The following TYW1 variants were observed in gnomAD, a reference collection of about 807,000 sequenced individuals.
TYW1 encodes tRNA-yW synthesizing protein 1 homolog, also known as S-adenosyl-L-methionine-dependent tRNA 4-demethylwyosine synthase TYW1.
A neutral mutation model predicts 96.2 loss-of-function variants in TYW1; 46 were observed. The observed-to-expected ratio is 0.48, with a 90% CI of 0.38 to 0.61. The LOEUF (loss-of-function observed/expected upper bound fraction) is 0.61, where lower values mean the gene tolerates loss of function less well. TYW1 is among the 20% of genes least tolerant of loss of function. The pLI, the probability that TYW1 is intolerant of heterozygous loss-of-function variation, is 0.00. For missense variants in TYW1, 684 were observed against 909.6 expected (o/e 0.75, Z 3.19); for synonymous variants, 274 against 323.0 (o/e 0.85, Z 1.63).
At chr7:67,196,737 A>G (rs1253431771) in intron 15 of TYW1, among the ~76,000 whole-genome samples, 2 of 151,832 alleles carry the variant, frequency 1.3e-5, no homozygotes, top group East Asian at 3.8e-4. Context: ...TTAAAACAGG[A>G]CAATTTAATT....
intron 14 of TYW1, among the ~76,000 whole-genome samples, chr7:67,188,213 G>A (rs1220691115): frequency 2.0e-5 from 3 of 152,052 alleles, no homozygotes; most frequent in Non-Finnish European, 4.4e-5. Flanking sequence ...CCAGCTACTC[G>A]GGAGGCTGAG....
Position 67,072,963 on chromosome 7 carries a change from T to TTTTTTTTTTTTTTTTTG in TYW1, c.1274+5561_1274+5562insTTTTTTTTTTTTTTTGT, listed in dbSNP as rs1219374462. Among the ~76,000 whole-genome samples the TTTTTTTTTTTTTTTTTG allele has an allele frequency of 1.5e-4, 18 of 118,682 alleles. 2 individuals are homozygous for TTTTTTTTTTTTTTTTTG. Among genetic ancestry groups the TTTTTTTTTTTTTTTTTG allele is most frequent in the African/African-American group, 5.9e-4 (17 of 29,020 alleles). 77.9% of individuals were successfully genotyped at this position (118,682 alleles called of 152,430 possible). Reference sequence around the variant, plus strand: ...TTTTTTTTTTTTTTTTTTTTTTTTTTTATAGAGACAGGGTCTTGCTATGTT... The same window carrying TTTTTTTTTTTTTTTTTG: ...TTTTTTTTTTTTTTTTTTTTTTTTTTTTTTTTTTTTTTTTTTGTATAGAGACAGGGTCTTGCTATGTT... On this transcript the variant is annotated intron_variant, in intron 10 of 15. Coordinates refer to ENST00000359626, the MANE Select transcript of TYW1 (RefSeq NM_018264.4).
chr7:67,109,184 G>C (rs1431433572), intron 12 of TYW1, among the ~76,000 whole-genome samples: 1 of 145,272 alleles, frequency 6.9e-6, no homozygotes, highest in Non-Finnish European at 1.5e-5. Context: ...TGAGGCAGGA[G>C]AATGGTGTGA....
In TYW1 at chr7:67,143,423, C is replaced by G. The variant is rs375651082; in HGVS notation, c.1698+25805C>G. On this transcript the variant is annotated intron_variant, in intron 13 of 15. Transcript: ENST00000359626. The stretch of plus-strand genomic sequence containing the variant: ...GTTATTTAATGCATACTTTATTCAT[C>G]TGGCATAAACTTAAAATGTCACAGA... 7.0e-4 allele frequency among the ~76,000 whole-genome samples: 107 copies of G among 152,330 alleles called. 1 individual carries two copies. The highest frequency in any genetic ancestry group is 5.8e-3 in the South Asian group (28 of 4,824).
At chr7:67,032,058 CA>C (rs1392843800) in intron 7 of TYW1, among the ~76,000 whole-genome samples, 1 of 151,188 alleles carries the variant, frequency 6.6e-6, no homozygotes, top group African/African-American at 2.4e-5. Context: ...ACAATAACAA[CA>C]AAAAAACATG....
chr7:67,000,068 T>A (rs1465912526), intron 3 of TYW1, among the ~76,000 whole-genome samples: 5 of 152,050 alleles, frequency 3.3e-5, no homozygotes, highest in Non-Finnish European at 7.4e-5. Context: ...CCTGAGTATC[T>A]GGGACTATAG....
intron 10 of TYW1, among the ~76,000 whole-genome samples, chr7:67,072,971 A>G (rs1450880460): frequency 1.8e-5 from 2 of 112,736 alleles, no homozygotes; most frequent in Non-Finnish European, 1.7e-5. Flanking sequence ...TTTTATAGAG[A>G]CAGGGTCTTG....
chr7:67,110,822 TAGTG>T (rs1295847410), intron 12 of TYW1, among the ~76,000 whole-genome samples: 1 of 151,990 alleles, frequency 6.6e-6, no homozygotes, highest in Non-Finnish European at 1.5e-5. Flanking sequence ...CTGGGCAACA[TAGTG>T]AGACCCTGTC....
At chr7:67,013,520 G>C (rs1793891157) in intron 4 of TYW1, among the ~76,000 whole-genome samples, 1 of 152,032 alleles carries the variant, frequency 6.6e-6, no homozygotes, top group Non-Finnish European at 1.5e-5. Context: ...AGACTTCAGA[G>C]ATTTAAAACA....
intron 13 of TYW1, among the ~76,000 whole-genome samples, chr7:67,176,388 TG>T (rs1180375342): frequency 6.6e-6 from 1 of 152,216 alleles, no homozygotes; most frequent in Non-Finnish European, 1.5e-5. Flanking sequence ...ACTTGAAACG[TG>T]GCTACCCTGA....
intron 13 of TYW1, among the ~76,000 whole-genome samples, chr7:67,152,495 A>G (rs1798833571): frequency 6.6e-6 from 1 of 151,852 alleles, no homozygotes; most frequent in Admixed American, 6.6e-5. Flanking sequence ...TTGCTTGAGC[A>G]TATCATTGTA....
intron 15 of TYW1, among the ~76,000 whole-genome samples, chr7:67,229,453 C>G (rs62465005): frequency 0.04 from 6,109 of 151,972 alleles, 180 homozygotes; most frequent in Middle Eastern, 0.092. Flanking sequence ...ACAGGAGAAT[C>G]TCTTGAACCT....
At chr7:67,008,579 G>A (rs554128898) in intron 3 of TYW1, among the ~76,000 whole-genome samples, 15 of 152,132 alleles carry the variant, frequency 9.9e-5, no homozygotes, top group African/African-American at 3.6e-4. Context: ...TTAGCCCTGT[G>A]AACTCTTCCC....
intron 5 of TYW1, among the ~76,000 whole-genome samples, chr7:67,017,621 CT>C (rs1475684427): frequency 6.6e-6 from 1 of 151,558 alleles, no homozygotes; most frequent in African/African-American, 2.4e-5. Flanking sequence ...TTTGTTTGTC[CT>C]TTTGTTTAAA....
chr7:67,099,195 T>A (rs1009126702), intron 12 of TYW1, among the ~76,000 whole-genome samples: 6 of 152,000 alleles, frequency 3.9e-5, no homozygotes, highest in Non-Finnish European at 5.9e-5. Flanking sequence ...CCAGCTAATT[T>A]TTTTATTTTA....
chr7:67,048,938 C>T (rs138616010), intron 7 of TYW1, among the ~76,000 whole-genome samples: 6 of 152,222 alleles, frequency 3.9e-5, no homozygotes, highest in African/African-American at 7.2e-5. Flanking sequence ...TGCTTGAACC[C>T]GGGAGGTGGT....
chr7:67,154,848 T>C (rs1367669860), intron 13 of TYW1, among the ~76,000 whole-genome samples: 4 of 152,270 alleles, frequency 2.6e-5, no homozygotes, highest in South Asian at 2.1e-4. Flanking sequence ...GTGTCCTGCA[T>C]GTCACATAGG....
At chr7:67,081,220 CTTTTTT>C (rs59852863) in intron 10 of TYW1, among the ~76,000 whole-genome samples, 2 of 120,174 alleles carry the variant, frequency 1.7e-5, no homozygotes, top group Non-Finnish European at 3.5e-5. Flanking sequence ...GCTTGGTGGT[CTTTTTT>C]TTTTTTTTTT....
chr7:67,041,706 A>G (rs2129256449), intron 7 of TYW1, among the ~76,000 whole-genome samples: 1 of 152,242 alleles, frequency 6.6e-6, no homozygotes, highest in South Asian at 2.1e-4. Context: ...CTGTCGAGGG[A>G]AGTAGTACGT....
Sources: allele counts gnomAD v4.1 joint callset (sites outside exome capture counted in the v4.1 genomes callset), GRCh38; gene constraint gnomAD v4.1.1; transcripts MANE v1.5; gene names NCBI Gene and HGNC (gene_info 2026-07-23, HGNC 2026-07-21).